The following EML5 variants were observed in gnomAD, a reference collection of about 807,000 sequenced individuals.
EML5 encodes the protein EMAP like 5.
In EML5, 120 loss-of-function variants were observed where a neutral mutation model predicts 250.0. The observed-to-expected ratio is 0.48, with a 90% confidence interval of 0.41 to 0.56. EML5 has a LOEUF of 0.56. Ranked by LOEUF, EML5 falls within the 20% of genes least tolerant of loss-of-function variation. The pLI, the probability that EML5 is intolerant of heterozygous loss-of-function variation, is 0.00. For missense variants in EML5, 2,006 were observed against 2,437.6 expected, an observed-to-expected ratio of 0.82 and a Z score of 3.73; for synonymous variants, 771 against 806.5, an observed-to-expected ratio of 0.96 and a Z score of 0.75.
rs903578856 is a variant in EML5 at position 88,688,586 on chromosome 14, C to T, written c.2540-113G>A. The T allele has an allele frequency of 4.7e-6, 5 of 1,064,196 alleles. No homozygotes were observed. The African/African-American group carries it at 4.7e-5, about 10-fold the overall frequency. The allele number at this position is 1,064,196 out of a possible 1,614,324, so 65.9% of individuals were successfully genotyped here. ...GTTGTTTGAATAGTAAGGCATGCAA[C>T]AGTAAGGAGAATTGAAAACTACAGG... On this transcript the variant is annotated intron_variant, in intron 17 of 43. Transcript: ENST00000554922.
chr14:88,759,705 CTGGGGAG>C (rs2094212273), intron 1 of EML5, among the ~76,000 whole-genome samples: 1 of 65,182 alleles, frequency 1.5e-5, no homozygotes, highest in African/African-American at 8.9e-5. Flanking sequence ...AAAAAAAAAA[CTGGGGAG>C]AAAAACTATG....
chr14:88,712,447 CCTTTT>C lies in EML5; in HGVS notation c.1476_1480del (p.Ile492MetfsTer14). The C allele has an allele frequency of 6.2e-7, 1 of 1,613,484 alleles. No individual in the cohort carries two copies. Among genetic ancestry groups the C allele is most frequent in the Non-Finnish European group, 8.5e-7 (1 of 1,179,616 alleles). On this transcript the variant is annotated frameshift_variant, in exon 10 of 44. Coordinates refer to ENST00000554922, the MANE Select transcript of EML5 (RefSeq NM_183387.3). LOFTEE classifies it high-confidence loss of function. ...ACATGTCCATGAAGCCCAATGAACA[CCTTTT>C]ATTTCTTCTGTACTTGTCACTTCCT...
Position 88,744,026 on chromosome 14 carries a change from G to T in EML5, c.522C>A (p.Ile174=), listed in dbSNP as rs1447572923. ...TAAAACAAGACCCTTCTAGTACCTT[G>T]ATATGTTTTACACCACAGCTGACAA... ...NKLVSCGVKH[I]KFWSLCGNAL... is the part of the protein sequence containing the mutation. The change falls in exon 4 of 44, where the codon ATC becomes ATA. Residue 174 remains isoleucine (I), a synonymous_variant. Transcript: ENST00000554922. The T allele has an allele frequency of 1.3e-6, 2 of 1,560,696 alleles. No homozygotes were observed. Among genetic ancestry groups the T allele is most frequent in the East Asian group, 4.6e-5 (2 of 43,678 alleles).
At chr14:88,732,000 T>C (rs1265718036) in intron 7 of EML5, among the ~76,000 whole-genome samples, 1 of 152,236 alleles carries the variant, frequency 6.6e-6, no homozygotes, top group Non-Finnish European at 1.5e-5. Context: ...AAAAATTTTC[T>C]CCCATTCTGT....
At chr14:88,627,997 G>A in intron 33 of EML5, 178 bp from the exon 34 acceptor site, 2 of 711,904 alleles carry the variant, frequency 2.8e-6, no homozygotes, top group African/African-American at 1.8e-5. Flanking sequence ...AGTTTTGGGG[G>A]TGGGGAGGAA....
intron 33 of EML5, among the ~76,000 whole-genome samples, chr14:88,632,136 C>G (rs763136857): frequency 6.6e-6 from 1 of 152,148 alleles, no homozygotes; most frequent in Non-Finnish European, 1.5e-5. Flanking sequence ...GCTCACTGTT[C>G]AAGCAAAAAG....
At chr14:88,640,361 A>G (rs2090993625) in intron 31 of EML5, among the ~76,000 whole-genome samples, 1 of 152,190 alleles carries the variant, frequency 6.6e-6, no homozygotes, top group South Asian at 2.1e-4. Context: ...CATACTCTCT[A>G]CCCACAGTGC....
Position 88,628,653 on chromosome 14 carries a change from A to G in EML5, c.4358-834T>C, listed in dbSNP as rs577112623. ...TTTGCTTCAAATTATAAATGTTATA[A>G]ATGTTTTAAAAATAGAGAAACATTA... On this transcript the variant is annotated intron_variant, in intron 33 of 43. Coordinates refer to ENST00000554922, the MANE Select transcript of EML5 (RefSeq NM_183387.3). Among the ~76,000 whole-genome samples, 36 of 152,212 alleles carry G rather than the reference A, an allele frequency of 2.4e-4. 1 individual carries two copies. The South Asian group carries it at 6.8e-3, about 29-fold the overall frequency.
At position 88,613,199 on chromosome 14, in the gene EML5, A is replaced by C. The variant is rs1028288702; in HGVS notation, c.*2619T>G. The C allele has an allele frequency of 6.6e-6, 1 of 152,116 alleles. No individual in the cohort carries two copies. The highest frequency in any genetic ancestry group is 6.5e-5 in the Admixed American group (1 of 15,268). 9.4% of individuals were successfully genotyped at this position (152,116 alleles called of 1,614,324 possible). On this transcript the variant is annotated 3_prime_UTR_variant, in exon 44 of 44. Transcript: ENST00000554922. ...CCACAGGAAAGGCTTGAAACACGAG[A>C]AGCAGCAAAGACAGAGCACACAAGT...
At position 88,735,567 on chromosome 14, in the gene EML5, C is replaced by A. The variant is rs537835512; in HGVS notation, c.1049+797G>T. Among the ~76,000 whole-genome samples, 4 of 152,276 alleles carry A rather than the reference C, an allele frequency of 2.6e-5. No individual in the cohort carries two copies. In the South Asian group the frequency reaches 8.3e-4, roughly 32 times the overall value. ...TGTTAAGGGTGTGAGAAAACAGGCA[C>A]TGGTAATATATTCACAATAGGTGTA... On this transcript the variant is annotated intron_variant, in intron 7 of 43. Coordinates refer to ENST00000554922, the MANE Select transcript of EML5 (RefSeq NM_183387.3).
At chr14:88,746,806 AC>A (rs1342181534) in intron 2 of EML5, among the ~76,000 whole-genome samples, 1 of 152,002 alleles carries the variant, frequency 6.6e-6, no homozygotes, top group Non-Finnish European at 1.5e-5. Context: ...AAAGCAGTAA[AC>A]CTCTCGGAAA....
At chr14:88,658,036 G>T in intron 26 of EML5, 151 bp downstream of exon 26, 1 of 694,706 alleles carries the variant, frequency 1.4e-6, no homozygotes, top group Non-Finnish European at 2.3e-6. Context: ...TTGTTCTTGA[G>T]TCACAAAATG....
chr14:88,673,380 C>G (rs2092517792), intron 21 of EML5, among the ~76,000 whole-genome samples: 1 of 152,088 alleles, frequency 6.6e-6, no homozygotes, highest in South Asian at 2.1e-4. Context: ...ATTGATGGAA[C>G]ATACCTCAAA....
In EML5 at chr14:88,615,510, C is replaced by T. The variant is rs2087458459; in HGVS notation, c.*308G>A. The T allele has an allele frequency of 3.3e-6, 1 of 302,818 alleles. No individual in the cohort carries two copies. Among genetic ancestry groups the T allele is most frequent in the East Asian group, 5.5e-5 (1 of 18,292 alleles). 18.8% of individuals were successfully genotyped at this position (302,818 alleles called of 1,614,324 possible). A position where few individuals can be genotyped will look rare whatever the true frequency, so the allele number is the denominator to read the frequency against. ...AGTTCTTCTGTAAAGAGTGCTCTACCCTAAATTTTCCCAGCAGGTCTGCCG... is the reference window on the plus strand; with the variant it reads ...AGTTCTTCTGTAAAGAGTGCTCTACTCTAAATTTTCCCAGCAGGTCTGCCG... On this transcript the variant is annotated 3_prime_UTR_variant, in exon 44 of 44. Coordinates refer to ENST00000554922, the MANE Select transcript of EML5 (RefSeq NM_183387.3).
At chr14:88,642,801 T>A in intron 31 of EML5, 92 bp downstream of exon 31, 2 of 1,212,866 alleles carry the variant, frequency 1.6e-6, no homozygotes, top group Non-Finnish European at 2.3e-6. Flanking sequence ...TTTCAATTAC[T>A]ATTTATAGCT....
intron 42 of EML5, chr14:88,616,493 T>C (rs2087640134): frequency 1.7e-6 from 1 of 603,908 alleles, no homozygotes; most frequent in Non-Finnish European, 2.9e-6. Flanking sequence ...TAACTGATTA[T>C]AGGTTTGGTG....
In EML5 at chr14:88,616,155, C is replaced by A; in HGVS notation, c.5884G>T (p.Gly1962Cys). The A allele has an allele frequency of 6.2e-7, 1 of 1,613,880 alleles. No homozygotes were observed. The highest frequency in any genetic ancestry group is 1.1e-5 in the South Asian group (1 of 91,082). ...AAAGTTACTAACCTGCAGTCATCACCTCCAGCACTAACAACATGTCGATCA... is the reference window on the plus strand; with the variant it reads ...AAAGTTACTAACCTGCAGTCATCACATCCAGCACTAACAACATGTCGATCA... ...SGDRHVVSAGGDDCSLFVWKC... is the reference protein window; with the variant it reads ...SGDRHVVSAGCDDCSLFVWKC... The change falls in exon 43 of 44, where the codon GGT becomes TGT. Residue 1962 changes from glycine to cysteine, a missense_variant. Gly to Cys is a radical substitution (Grantham distance 159, BLOSUM62 -3). Around this residue, in one of 7 missense-constraint regions of EML5, gnomAD observed 56 missense variants for 55.1 expected, o/e 1.02. Coordinates refer to ENST00000554922, the MANE Select transcript of EML5 (RefSeq NM_183387.3).
intron 3 of EML5, among the ~76,000 whole-genome samples, chr14:88,745,296 C>T (rs1283284733): frequency 1.3e-5 from 2 of 151,892 alleles, no homozygotes; most frequent in African/African-American, 4.8e-5. Context: ...GATAAATTCC[C>T]ACCAAATACA....
At chr14:88,771,098 T>C (rs1358371671) in intron 1 of EML5, among the ~76,000 whole-genome samples, 1 of 152,208 alleles carries the variant, frequency 6.6e-6, no homozygotes, top group Non-Finnish European at 1.5e-5. Flanking sequence ...CATTCTTACA[T>C]GCAAATATAT....
Sources: gnomAD v4.1 joint callset for allele counts (sites outside exome capture counted in the v4.1 genomes callset) on GRCh38, gnomAD v4.1.1 for gene constraint, gnomAD v4.1.1 regional missense constraint, MANE v1.5 for transcripts, NCBI Gene and HGNC (gene_info 2026-07-23, HGNC 2026-07-21) for gene names.